Variants in TBX5 observed in about 807,000 individuals in gnomAD.
TBX5 encodes the protein T-box transcription factor 5, also known as T-box transcription factor TBX5.
Under a neutral mutation model 51.1 loss-of-function variants are expected in TBX5, and 8 were observed. That is an observed-to-expected ratio of 0.16 (90% CI 0.09 to 0.28). The LOEUF is 0.28. Ranked by LOEUF, TBX5 falls within the 10% of genes least tolerant of loss-of-function variation. The pLI is 1.00. For synonymous variants in TBX5, 302 were observed against 266.4 expected (o/e 1.13, Z -1.30); for missense variants, 589 against 671.7 (o/e 0.88, Z 1.36).
intron 6 of TBX5, among the ~76,000 whole-genome samples, chr12:114,388,958 T>C (rs183787439): frequency 9.1e-4 from 138 of 152,166 alleles, no homozygotes; most frequent in African/African-American, 3.2e-3. Flanking sequence ...AAACAGAGTC[T>C]CACTCTGTCA....
chr12:114,374,821 T>C (rs11067089), intron 7 of TBX5, among the ~76,000 whole-genome samples: 41,949 of 152,032 alleles, frequency 0.28, 6,152 homozygotes, highest in East Asian at 0.38. Flanking sequence ...CTGTAGTGTT[T>C]GGGGTAAAAT....
chr12:114,366,117 GGA>G, intron 8 of TBX5, 46 bp downstream of exon 8: 1 of 1,596,660 alleles, frequency 6.3e-7, no homozygotes, highest in Non-Finnish European at 8.6e-7. Flanking sequence ...CCCAAGGAAA[GGA>G]AAAGGTAAGA....
At chr12:114,404,731 C>T (rs1250186561) in intron 1 of TBX5, among the ~76,000 whole-genome samples, 2 of 152,224 alleles carry the variant, frequency 1.3e-5, no homozygotes, top group African/African-American at 2.4e-5. Context: ...GCTCTGATGC[C>T]GGGCGGGGGA....
At chr12:114,392,894 C>G (rs1321731691) in intron 6 of TBX5, among the ~76,000 whole-genome samples, 1 of 152,108 alleles carries the variant, frequency 6.6e-6, no homozygotes, top group Non-Finnish European at 1.5e-5. Flanking sequence ...GAAGGATACT[C>G]GGAAAAATCC....
chr12:114,393,613 C>G (rs1457466742), intron 6 of TBX5, among the ~76,000 whole-genome samples: 2 of 152,198 alleles, frequency 1.3e-5, no homozygotes, highest in Admixed American at 6.5e-5. Context: ...GATCCTCCCC[C>G]ACCCTCCAAC....
chr12:114,378,111 C>G (rs1870295994), intron 7 of TBX5, among the ~76,000 whole-genome samples: 2 of 152,134 alleles, frequency 1.3e-5, no homozygotes, highest in Non-Finnish European at 2.9e-5. Flanking sequence ...GTAAAGGGAG[C>G]TTCATTTCTT....
In TBX5 at chr12:114,388,097, C is replaced by T. The variant is rs190560006; in HGVS notation, c.664-2530G>A. Among the ~76,000 whole-genome samples the T allele has an allele frequency of 2.3e-4, 35 of 152,318 alleles. No homozygotes were observed. In the East Asian group the frequency reaches 6.6e-3, roughly 29 times the overall value. ...CTCCTGAGCTCAAGCAATCCTCCTGCCTTGGCCTCCCAAAGTACAGGGATT... is the reference window on the plus strand; with the variant it reads ...CTCCTGAGCTCAAGCAATCCTCCTGTCTTGGCCTCCCAAAGTACAGGGATT... On this transcript the variant is annotated intron_variant, in intron 6 of 8. Transcript: ENST00000405440.
chr12:114,400,291 G>A (rs1871726359), intron 3 of TBX5, among the ~76,000 whole-genome samples: 1 of 152,200 alleles, frequency 6.6e-6, no homozygotes, highest in South Asian at 2.1e-4. Flanking sequence ...CTCTTCCTCG[G>A]AGAGTCGAAA....
intron 3 of TBX5, 119 bp from the exon 4 acceptor site, chr12:114,399,751 G>T: frequency 1.3e-6 from 2 of 1,489,368 alleles, no homozygotes; most frequent in Non-Finnish European, 1.9e-6. Flanking sequence ...GCGGAAACTA[G>T]CCCCGTTCCG....
At chr12:114,366,462 G>T in intron 7 of TBX5, 71 bp from the exon 8 acceptor site, 1 of 1,484,936 alleles carries the variant, frequency 6.7e-7, no homozygotes, top group Non-Finnish European at 9.4e-7. Context: ...GCTGAACCAG[G>T]TGTGAGAGAA....
chr12:114,377,311 G>A (rs1870247183), intron 7 of TBX5, among the ~76,000 whole-genome samples: 1 of 152,184 alleles, frequency 6.6e-6, no homozygotes, highest in African/African-American at 2.4e-5. Flanking sequence ...TTAAAATCAG[G>A]AAGGAAGTAA....
intron 7 of TBX5, among the ~76,000 whole-genome samples, chr12:114,370,169 T>C (rs1346589983): frequency 6.6e-6 from 1 of 150,686 alleles, no homozygotes; most frequent in African/African-American, 2.5e-5. Flanking sequence ...AGGTGGAGGT[T>C]GCAATGAGCC....
chr12:114,367,091 C>G (rs1869580302), intron 7 of TBX5, among the ~76,000 whole-genome samples: 1 of 151,768 alleles, frequency 6.6e-6, no homozygotes, highest in East Asian at 1.9e-4. Context: ...GTACATGGCA[C>G]AGAGTAAATG....
chr12:114,403,333 C>G (rs1415777512), intron 2 of TBX5, among the ~76,000 whole-genome samples: 3 of 152,204 alleles, frequency 2.0e-5, no homozygotes, highest in Non-Finnish European at 2.9e-5. Context: ...GAAGAGGGGT[C>G]AAGCCATCGC....
In TBX5 at chr12:114,395,653, C is replaced by T. The variant is rs1013403748; in HGVS notation, c.511-760G>A. Among the ~76,000 whole-genome samples the T allele has an allele frequency of 2.6e-5, 4 of 152,266 alleles. No homozygotes were observed. In the South Asian group the frequency reaches 8.3e-4, roughly 32 times the overall value. Reference sequence around the variant, plus strand: ...TCCAGCTTTATCACGTTTCAGGATCCACAACCAGAATTATCTCCACGCTTG... The same window carrying T: ...TCCAGCTTTATCACGTTTCAGGATCTACAACCAGAATTATCTCCACGCTTG... On this transcript the variant is annotated intron_variant, in intron 5 of 8. Coordinates refer to ENST00000405440, the MANE Select transcript of TBX5 (RefSeq NM_181486.4).
chr12:114,380,969 C>T (rs1870473295), intron 7 of TBX5, among the ~76,000 whole-genome samples: 1 of 152,092 alleles, frequency 6.6e-6, no homozygotes, highest in Non-Finnish European at 1.5e-5. Context: ...AAACTTGGCA[C>T]ACCCTTTAAT....
intron 7 of TBX5, among the ~76,000 whole-genome samples, chr12:114,377,961 T>C (rs533260814): frequency 2.0e-5 from 3 of 152,156 alleles, no homozygotes; most frequent in South Asian, 4.2e-4. Context: ...GGCTGAGACA[T>C]CCTGGACTCC....
rs763390789 is a variant in TBX5 at position 114,355,947 on chromosome 12, G to T, written c.1142C>A (p.Ala381Asp). 4 of 1,613,788 alleles carry T rather than the reference G, an allele frequency of 2.5e-6. No homozygotes were observed. Among genetic ancestry groups the T allele is most frequent in the Non-Finnish European group, 1.7e-6 (2 of 1,180,050 alleles). ...ESAQRQACMYASSAPPSEPVP... is the reference protein window; with the variant it reads ...ESAQRQACMYDSSAPPSEPVP... Reference sequence around the variant, plus strand: ...AGGCTCGCTGGGGGGCGCAGAGCTGGCATACATGCAAGCTTGCCGCTGTGC... The same window carrying T: ...AGGCTCGCTGGGGGGCGCAGAGCTGTCATACATGCAAGCTTGCCGCTGTGC... The change falls in exon 9 of 9, where the codon GCC (alanine) becomes GAC (aspartate). Residue 381 changes from alanine (A) to aspartate (D), a missense_variant. Physicochemically the swap from Ala to Asp is moderately radical, Grantham distance 126 (BLOSUM62 -2). Transcript: ENST00000405440.
intron 6 of TBX5, among the ~76,000 whole-genome samples, chr12:114,386,214 C>T (rs936270123): frequency 6.6e-6 from 1 of 152,158 alleles, no homozygotes; most frequent in Non-Finnish European, 1.5e-5. Flanking sequence ...AGAGGTTTCT[C>T]TCTTGGAAAT....
Sources: allele counts gnomAD v4.1 joint callset (sites outside exome capture counted in the v4.1 genomes callset), GRCh38; gene constraint gnomAD v4.1.1; transcripts MANE v1.5; gene names NCBI Gene and HGNC (gene_info 2026-07-23, HGNC 2026-07-21).